Variants in LAMC1 observed in about 807,000 individuals in gnomAD.
LAMC1 encodes laminin subunit gamma 1.
Under a neutral mutation model 173.6 loss-of-function variants are expected in LAMC1, and 38 were observed. That is an observed-to-expected ratio of 0.22 (90% confidence interval 0.17 to 0.29). The LOEUF is 0.29. LAMC1 is among the 10% of genes least tolerant of loss of function. LAMC1 has a pLI of 1.00. For missense variants in LAMC1, 1,824 were observed against 2,051.8 expected (o/e 0.89, Z 2.14); for synonymous variants, 746 against 749.1 (o/e 1.00, Z 0.07).
At chr1:183,049,263 A>G (rs182001584) in intron 1 of LAMC1, among the ~76,000 whole-genome samples, 163 of 152,278 alleles carry the variant, frequency 1.1e-3, no homozygotes, top group African/African-American at 3.6e-3. Context: ...AGACATACAG[A>G]AATGGAAAGA....
At chr1:183,133,377 G>C in intron 21 of LAMC1, 29 bp from the exon 22 acceptor site, 2 of 1,586,524 alleles carry the variant, frequency 1.3e-6, no homozygotes, top group African/African-American at 2.7e-5. Context: ...AGCTAAGATT[G>C]TCATTAAACC....
Position 183,023,703 on chromosome 1 carries a change from G to C in LAMC1, c.-14G>C. The C allele has an allele frequency of 8.5e-7, 1 of 1,173,046 alleles. No individual in the cohort carries two copies. The highest frequency in any genetic ancestry group is 1.1e-6 in the Non-Finnish European group (1 of 945,930). The allele number at this position is 1,173,046 out of a possible 1,614,324, so 72.7% of individuals were successfully genotyped here. On this transcript the variant is annotated 5_prime_UTR_variant, in exon 1 of 28. Coordinates refer to ENST00000258341, the MANE Select transcript of LAMC1 (RefSeq NM_002293.4). ...GCCCTTGCCTTCGCCGTGACCCAGC[G>C]TGCGGGCGGCGGGATGAGAGGGAGC...
chr1:183,106,246 T>C (rs1212762435), intron 2 of LAMC1, among the ~76,000 whole-genome samples: 1 of 152,226 alleles, frequency 6.6e-6, no homozygotes, highest in Non-Finnish European at 1.5e-5. Flanking sequence ...AAGAGAGCTG[T>C]GATAAGGTCG....
chr1:183,118,404 T>C (rs930276098), intron 11 of LAMC1, among the ~76,000 whole-genome samples: 11 of 152,182 alleles, frequency 7.2e-5, no homozygotes, highest in African/African-American at 1.9e-4. Context: ...TGAGGTTACA[T>C]TGTATATAAA....
At chr1:183,109,028 A>G (rs1413030093) in intron 3 of LAMC1, among the ~76,000 whole-genome samples, 2 of 152,218 alleles carry the variant, frequency 1.3e-5, no homozygotes, top group African/African-American at 4.8e-5. Flanking sequence ...GTATAAACCC[A>G]TTTAACTGAA....
At chr1:183,032,834 C>G (rs1206785778) in intron 1 of LAMC1, among the ~76,000 whole-genome samples, 1 of 152,168 alleles carries the variant, frequency 6.6e-6, no homozygotes, top group Non-Finnish European at 1.5e-5. Flanking sequence ...AGTGACTATA[C>G]AGGTACCTGT....
rs146099798 is a variant in LAMC1, at chr1:183,050,096, G to A, written c.418+25962G>A. On this transcript the variant is annotated intron_variant, in intron 1 of 27. Transcript: ENST00000258341. ...TTATCAATCAGATTTCAAAGTTGGT[G>A]TTGGTTATATTGTGTACTCTCCATG... is the stretch of plus-strand genomic sequence containing the variant. Among the ~76,000 whole-genome samples, 787 of 152,124 alleles carry A rather than the reference G, an allele frequency of 5.2e-3. 3 individuals carry two copies. The highest frequency in any genetic ancestry group is 7.1e-3 in the Admixed American group (109 of 15,290).
At chr1:183,075,417 A>G (rs1004715008) in intron 1 of LAMC1, among the ~76,000 whole-genome samples, 1 of 152,112 alleles carries the variant, frequency 6.6e-6, no homozygotes, top group East Asian at 1.9e-4. Flanking sequence ...CGCCCAGCGT[A>G]TCTGATGTTT....
intron 1 of LAMC1, among the ~76,000 whole-genome samples, chr1:183,036,632 C>T (rs1210537303): frequency 6.6e-6 from 1 of 151,976 alleles, no homozygotes; most frequent in East Asian, 1.9e-4. Context: ...CTCAAGTGAT[C>T]CGCCCGCCTC....
intron 5 of LAMC1, among the ~76,000 whole-genome samples, chr1:183,115,079 T>TA (rs1656279843): frequency 6.6e-6 from 1 of 152,226 alleles, no homozygotes; most frequent in Non-Finnish European, 1.5e-5. Flanking sequence ...TGCTGAAATA[T>TA]TCTTAGCATG....
chr1:183,023,702 C>G lies in LAMC1; in HGVS notation c.-15C>G. The G allele has an allele frequency of 8.5e-7, 1 of 1,174,136 alleles. No individual in the cohort carries two copies. The highest frequency in any genetic ancestry group is 1.1e-6 in the Non-Finnish European group (1 of 946,688). The allele number at this position is 1,174,136 out of a possible 1,614,324, so 72.7% of individuals were successfully genotyped here. On this transcript the variant is annotated 5_prime_UTR_variant, in exon 1 of 28. Transcript: ENST00000258341. ...TGCCCTTGCCTTCGCCGTGACCCAG[C>G]GTGCGGGCGGCGGGATGAGAGGGAG...
intron 1 of LAMC1, among the ~76,000 whole-genome samples, chr1:183,024,950 T>C (rs922942142): frequency 1.3e-5 from 2 of 152,254 alleles, no homozygotes; most frequent in Non-Finnish European, 2.9e-5. Flanking sequence ...GATGGACATA[T>C]GTATCTGGAA....
chr1:183,029,963 C>T (rs1653807629), intron 1 of LAMC1, among the ~76,000 whole-genome samples: 1 of 152,130 alleles, frequency 6.6e-6, no homozygotes, highest in South Asian at 2.1e-4. Flanking sequence ...TGGGGGTAGG[C>T]AAATGATGGC....
At chr1:183,124,247 G>C (rs1656559010) in intron 13 of LAMC1, among the ~76,000 whole-genome samples, 1 of 152,240 alleles carries the variant, frequency 6.6e-6, no homozygotes, top group Admixed American at 6.5e-5. Flanking sequence ...ACAGTGTCAA[G>C]AGTGGCACTT....
chr1:183,125,665 T>A, intron 15 of LAMC1, 115 bp downstream of exon 15: 1 of 767,984 alleles, frequency 1.3e-6, no homozygotes, highest in Non-Finnish European at 2.1e-6. Flanking sequence ...GCGCCTAATG[T>A]AGGCAAGGCA....
chr1:183,034,391 C>A (rs1653921766), intron 1 of LAMC1, among the ~76,000 whole-genome samples: 1 of 152,198 alleles, frequency 6.6e-6, no homozygotes, highest in Non-Finnish European at 1.5e-5. Flanking sequence ...CTGCCTCAGC[C>A]TCCTGAGTAG....
At chr1:183,116,700 A>G (rs1483720779) in intron 7 of LAMC1, 25 bp downstream of exon 7, 6 of 1,608,330 alleles carry the variant, frequency 3.7e-6, no homozygotes, top group Middle Eastern at 1.7e-4. Context: ...CTCTAGCTGC[A>G]TTGTGTTTTC....
intron 1 of LAMC1, among the ~76,000 whole-genome samples, chr1:183,045,632 A>G (rs1036272783): frequency 6.6e-5 from 10 of 152,048 alleles, no homozygotes; most frequent in Admixed American, 1.3e-4. Flanking sequence ...GAACGCTTCT[A>G]TGGGCATTCT....
intron 10 of LAMC1, 88 bp from the exon 11 acceptor site, chr1:183,117,946 T>TAAA: frequency 1.2e-6 from 1 of 832,850 alleles, no homozygotes; most frequent in South Asian, 1.6e-5. Flanking sequence ...GAGCATTGCA[T>TAAA]TGTTGGGGCA....
Sources: allele counts gnomAD v4.1 joint callset (sites outside exome capture counted in the v4.1 genomes callset), GRCh38; gene constraint gnomAD v4.1.1; transcripts MANE v1.5; gene names NCBI Gene and HGNC (gene_info 2026-07-23, HGNC 2026-07-21).